RMI1: variants seen among roughly 807,000 people sequenced by gnomAD.
The protein encoded by RMI1 is RecQ mediated genome instability 1.
A neutral mutation model predicts 46.7 loss-of-function variants in RMI1; 36 were observed. That is an observed-to-expected ratio of 0.77 (90% CI 0.59 to 1.02). The LOEUF (loss-of-function observed/expected upper bound fraction) is 1.02, where lower values mean the gene tolerates loss of function less well. Ranked by LOEUF, RMI1 falls within the 50% of genes least tolerant of loss-of-function variation. RMI1 has a pLI of 0.00. For synonymous variants in RMI1, 250 were observed against 252.9 expected (o/e 0.99, Z 0.11); for missense variants, 676 against 713.7 (o/e 0.95, Z 0.60).
chr9:83,981,823 A>C (rs879391885), intron 1 of RMI1, among the ~76,000 whole-genome samples: 1 of 152,172 alleles, frequency 6.6e-6, no homozygotes, highest in Non-Finnish European at 1.5e-5. Flanking sequence ...ATTCTTTTAA[A>C]TGGCCATGAT....
Position 84,002,477 on chromosome 9 carries a change from A to G in RMI1, c.1491A>G (p.Leu497=), listed in dbSNP as rs1211815929. Residue 497 remains leucine, a synonymous_variant, in exon 3 of 3, where the codon CTA becomes CTG. Transcript: ENST00000445877. ...CACCCTTTGTCTATTTGTCTGTTCT[A>G]ATGGCCAGCAAACCAAAGGAAGTTA... is the stretch of plus-strand genomic sequence containing the variant. The part of the protein sequence containing the change: ...YSPPFVYLSV[L]MASKPKEVTT... The G allele has an allele frequency of 6.2e-7, 1 of 1,613,852 alleles. No individual in the cohort carries two copies. The highest frequency in any genetic ancestry group is 1.7e-5 in the Admixed American group (1 of 60,000).
intron 1 of RMI1, among the ~76,000 whole-genome samples, chr9:83,991,749 A>T (rs1053094485): frequency 6.6e-6 from 1 of 152,148 alleles, no homozygotes; most frequent in African/African-American, 2.4e-5. Context: ...GGTAATTTTT[A>T]TTTGTTGAAT....
Position 84,002,397 on chromosome 9 carries a change from T to C in RMI1, c.1411T>C (p.Leu471=). 6.2e-7 allele frequency: 1 copy of C among 1,612,932 alleles called. No homozygotes were observed. The highest frequency in any genetic ancestry group is 8.5e-7 in the Non-Finnish European group (1 of 1,179,326). The change falls in exon 3 of 3, where the codon TTA becomes CTA. Residue 471 remains leucine (L), a synonymous_variant. Transcript: ENST00000445877. ...TGATTGTAATTTACAGAGTTGTTCT[T>C]TAAGATCATCAGAGAATAGCATTAA... is the stretch of plus-strand genomic sequence containing the variant. ...ENDCNLQSCS[L]RSSENSINLS... is the part of the protein sequence containing the mutation.
chr9:83,982,130 G>T (rs1020493100), intron 1 of RMI1, among the ~76,000 whole-genome samples: 21 of 152,334 alleles, frequency 1.4e-4, no homozygotes, highest in South Asian at 4.1e-4. Flanking sequence ...CAAAACTGAT[G>T]AGTTTATGTA....
In RMI1 at chr9:84,001,778, C is replaced by T. The variant is rs754757508; in HGVS notation, c.792C>T (p.Ser264=). The change falls in exon 3 of 3, where the codon TCC becomes TCT. Residue 264 remains serine (S), a synonymous_variant. Coordinates refer to ENST00000445877, the MANE Select transcript of RMI1 (RefSeq NM_001358291.2). ...NDELTANNDT[S]SERCFTTGSS... ...AGCTTACAGCAAATAATGACACTTCCTCAGAACGATGTTTCACCACAGGTA... is the reference window on the plus strand; with the variant it reads ...AGCTTACAGCAAATAATGACACTTCTTCAGAACGATGTTTCACCACAGGTA... 1.2e-6 allele frequency: 2 copies of T among 1,614,002 alleles called. No individual in the cohort carries two copies. The highest frequency in any genetic ancestry group is 4.5e-5 in the East Asian group (2 of 44,870).
intron 1 of RMI1, among the ~76,000 whole-genome samples, chr9:83,992,549 A>G (rs182455219): frequency 1.0e-3 from 152 of 152,254 alleles, no homozygotes; most frequent in African/African-American, 3.7e-3. Context: ...TGAACCAAAA[A>G]GGCACAATAT....
At chr9:83,994,916 A>G (rs1049968934) in intron 1 of RMI1, among the ~76,000 whole-genome samples, 5 of 152,168 alleles carry the variant, frequency 3.3e-5, no homozygotes, top group East Asian at 1.9e-4. Flanking sequence ...GTTACTGTGT[A>G]TAAGTGTAGA....
chr9:83,987,780 A>G (rs957669951), intron 1 of RMI1, among the ~76,000 whole-genome samples: 1 of 152,234 alleles, frequency 6.6e-6, no homozygotes, highest in African/African-American at 2.4e-5. Context: ...TTTGACATTC[A>G]TGCATATTAT....
intron 1 of RMI1, among the ~76,000 whole-genome samples, chr9:83,997,591 T>G (rs1266017072): frequency 6.6e-6 from 1 of 151,842 alleles, no homozygotes; most frequent in Non-Finnish European, 1.5e-5. Context: ...GCATAGGGGC[T>G]TCTTCTCCTC....
rs1490346654 is a variant in RMI1, at chr9:84,002,915, G to T, written c.*51G>T. 2.7e-6 allele frequency: 3 copies of T among 1,125,294 alleles called. No homozygotes were observed. In the African/African-American group the frequency reaches 4.7e-5, roughly 18 times the overall value. 69.7% of individuals were successfully genotyped at this position (1,125,294 alleles called of 1,614,324 possible). On this transcript the variant is annotated 3_prime_UTR_variant, in exon 3 of 3. Transcript: ENST00000445877. ...ATTAAAAACAACAAGGAAATATTTAGAATTTGTTCACAATTTTACTTATGA... is the reference window on the plus strand; with the variant it reads ...ATTAAAAACAACAAGGAAATATTTATAATTTGTTCACAATTTTACTTATGA...
intron 1 of RMI1, among the ~76,000 whole-genome samples, chr9:83,996,375 TC>T (rs1957653831): frequency 6.6e-6 from 1 of 152,206 alleles, no homozygotes; most frequent in East Asian, 1.9e-4. Flanking sequence ...TTCTGTCCCA[TC>T]CATGGCATGC....
chr9:83,990,510 T>TA (rs55939734), intron 1 of RMI1, among the ~76,000 whole-genome samples: 84,821 of 141,060 alleles, frequency 0.6, 26,862 homozygotes, highest in Admixed American at 0.73. Context: ...AATGCTGTCT[T>TA]AAAAAAAAAA....
chr9:83,995,613 A>T (rs908401954), intron 1 of RMI1, among the ~76,000 whole-genome samples: 1 of 151,930 alleles, frequency 6.6e-6, no homozygotes, highest in Non-Finnish European at 1.5e-5. Context: ...TTTTTGGTAG[A>T]GACGGGGTTT....
intron 1 of RMI1, among the ~76,000 whole-genome samples, chr9:83,987,095 A>G (rs1821581202): frequency 6.7e-6 from 1 of 149,770 alleles, no homozygotes; most frequent in Non-Finnish European, 1.5e-5. Flanking sequence ...ATGGAGTCTC[A>G]CTCTGTCACC....
intron 1 of RMI1, among the ~76,000 whole-genome samples, chr9:83,994,537 C>T (rs915333018): frequency 6.6e-6 from 1 of 152,090 alleles, no homozygotes; most frequent in Non-Finnish European, 1.5e-5. Context: ...TTCTCAACAC[C>T]ATTTGCTGAA....
intron 1 of RMI1, among the ~76,000 whole-genome samples, chr9:83,984,841 C>G (rs177042): frequency 0.57 from 85,970 of 152,120 alleles, 25,154 homozygotes; most frequent in African/African-American, 0.71. Context: ...GGAATTACAG[C>G]TGTGAGCCAC....
chr9:83,982,841 TTAAA>T (rs1237726981), intron 1 of RMI1, among the ~76,000 whole-genome samples: 4 of 152,236 alleles, frequency 2.6e-5, no homozygotes, highest in Admixed American at 2.0e-4. Flanking sequence ...GGTTTGCTCT[TTAAA>T]TAACAGGAAA....
At chr9:83,990,797 TTCTTTTTA>T (rs1435007990) in intron 1 of RMI1, among the ~76,000 whole-genome samples, 17 of 152,234 alleles carry the variant, frequency 1.1e-4, no homozygotes, top group African/African-American at 3.9e-4. Context: ...CTTTCTTTCT[TTCTTTTTA>T]TTTATTTATT....
upstream of RMI1, chr9:83,980,688 GT>G (rs1957354644): frequency 2.0e-5 from 3 of 152,406 alleles, no homozygotes; most frequent in South Asian, 6.2e-4. Flanking sequence ...CAACTGCCTA[GT>G]TCACGCGCAC....
Sources: gnomAD v4.1 joint callset for allele counts (sites outside exome capture counted in the v4.1 genomes callset) on GRCh38, gnomAD v4.1.1 for gene constraint, MANE v1.5 for transcripts, NCBI Gene and HGNC (gene_info 2026-07-23, HGNC 2026-07-21) for gene names.